PRPF8: variants seen among roughly 807,000 people sequenced by gnomAD.
The protein encoded by PRPF8 is pre-mRNA processing factor 8, also known as pre-mRNA-processing-splicing factor 8.
A neutral mutation model predicts 285.9 loss-of-function variants in PRPF8; 64 were observed. The observed-to-expected ratio is 0.22, with a 90% confidence interval of 0.18 to 0.28. The LOEUF is 0.28. Ranked by LOEUF, PRPF8 falls within the 10% of genes least tolerant of loss-of-function variation. PRPF8 has a pLI of 1.00. For synonymous variants in PRPF8, 1,325 were observed against 1,118.2 expected (o/e 1.18, Z -3.69); for missense variants, 1,426 against 3,026.7 (o/e 0.47, Z 12.41).
rs1374489130 is a variant in PRPF8 at position 1,675,286 on chromosome 17, T to C, written c.2926A>G (p.Met976Val). Residue 976 changes from methionine (M) to valine (V), a missense_variant, in exon 20 of 43, where the codon ATG (methionine) becomes GTG (valine). Around this residue, in one of 34 missense-constraint regions of PRPF8, gnomAD observed 37 missense variants for 43.4 expected, o/e 0.85. Coordinates refer to ENST00000304992, the MANE Select transcript of PRPF8 (RefSeq NM_006445.4). The surrounding 1 kb of genome is among the most constrained non-coding windows in gnomAD (Gnocchi z 6.0). ...ATCTTCTCAAAGCGGGATTCCAGCATGACATTGCACTCGCCTTCACTCGTC... is the reference window on the plus strand; with the variant it reads ...ATCTTCTCAAAGCGGGATTCCAGCACGACATTGCACTCGCCTTCACTCGTC... ...WETSEGECNV[M>V]LESRFEKMYE... 23 of 1,614,200 alleles carry C rather than the reference T, an allele frequency of 1.4e-5. No individual in the cohort carries two copies. Among genetic ancestry groups the C allele is most frequent in the Non-Finnish European group, 1.9e-5 (23 of 1,180,044 alleles).
Position 1,675,252 on chromosome 17 carries a change from T to G in PRPF8, c.2960A>C (p.Lys987Thr). The G allele has an allele frequency of 6.2e-7, 1 of 1,614,198 alleles. No homozygotes were observed. The highest frequency in any genetic ancestry group is 8.5e-7 in the Non-Finnish European group (1 of 1,180,034). The stretch of plus-strand genomic sequence containing the variant: ...CCTGTTGAGCAGAGTCAAGTCGATC[T>G]TCTCATACATCTTCTCAAAGCGGGA... ...LESRFEKMYE[K>T]IDLTLLNRLL... The change falls in exon 20 of 43, where the codon AAG becomes ACG. Residue 987 changes from lysine to threonine, a missense_variant. Transcript: ENST00000304992. The surrounding 1 kb of genome is among the most constrained non-coding windows in gnomAD (Gnocchi z 6.0).
Position 1,676,144 on chromosome 17 carries a change from TGAG to T in PRPF8, c.2552+60_2552+62del. ...GGCTACACCTTCTTTCTTTGGACTCTGAGGATGACGCCATTCCCTGCTGTCACC... is the reference window on the plus strand; with the variant it reads ...GGCTACACCTTCTTTCTTTGGACTCTGATGACGCCATTCCCTGCTGTCACC... On this transcript the variant is annotated intron_variant, in intron 17 of 42. Coordinates refer to ENST00000304992, the MANE Select transcript of PRPF8 (RefSeq NM_006445.4). The surrounding 1 kb of genome is among the most constrained non-coding windows in gnomAD (Gnocchi z 6.3). 1.2e-6 allele frequency: 2 copies of T among 1,612,040 alleles called. No homozygotes were observed. The highest frequency in any genetic ancestry group is 1.7e-6 in the Non-Finnish European group (2 of 1,179,752).
Position 1,672,835 on chromosome 17 carries a change from CTT to C in PRPF8, c.3774+244_3774+245del, listed in dbSNP as rs146909473. The C allele has an allele frequency of 3.1e-3, 1,813 of 591,454 alleles. 29 individuals carry two copies. The highest frequency in any genetic ancestry group is 0.03 in the African/African-American group (1,596 of 53,784). 36.6% of individuals were successfully genotyped at this position (591,454 alleles called of 1,614,324 possible). A position where few individuals can be genotyped will look rare whatever the true frequency, so the allele number is the denominator to read the frequency against. On this transcript the variant is annotated intron_variant, in intron 24 of 42. Transcript: ENST00000304992. Reference sequence around the variant, plus strand: ...CAAAATAATAAATCCAACTTTTACTCTTGCCTTAATTTAGAATCATCACAAGT... The same window carrying C: ...CAAAATAATAAATCCAACTTTTACTCGCCTTAATTTAGAATCATCACAAGT...
chr17:1,682,699 C>T (rs1913000866), intron 3 of PRPF8, among the ~76,000 whole-genome samples: 1 of 152,232 alleles, frequency 6.6e-6, no homozygotes, highest in East Asian at 1.9e-4. Context: ...TTACCCTCTG[C>T]TCGCTACTAT....
Position 1,653,228 on chromosome 17 carries a change from C to G in PRPF8, c.6369+314G>C. 2.0e-6 allele frequency: 1 copy of G among 494,750 alleles called. No homozygotes were observed. The allele number at this position is 494,750 out of a possible 1,614,324, so 30.6% of individuals were successfully genotyped here. On this transcript the variant is annotated intron_variant, in intron 39 of 42. Transcript: ENST00000304992. The surrounding 1 kb of genome is among the most constrained non-coding windows in gnomAD (Gnocchi z 4.9). ...GTGCTGGGATTATAGGCATTAGCCACTGTGCCCAGCCGAGTGTTGGGATTA... is the reference window on the plus strand; with the variant it reads ...GTGCTGGGATTATAGGCATTAGCCAGTGTGCCCAGCCGAGTGTTGGGATTA...
At chr17:1,662,520 T>G (rs1911721054) in intron 24 of PRPF8, among the ~76,000 whole-genome samples, 1 of 149,152 alleles carries the variant, frequency 6.7e-6, no homozygotes, top group African/African-American at 2.5e-5. Flanking sequence ...ACCTGGGAGG[T>G]GGAGGTTGCA....
chr17:1,656,602 G>A (rs1911402859), intron 35 of PRPF8, 37 bp from the exon 36 acceptor site: 2 of 1,614,024 alleles, frequency 1.2e-6, no homozygotes, highest in Non-Finnish European at 8.5e-7. Context: ...GAAACAGCCT[G>A]AAGGTCTCAA....
At position 1,675,009 on chromosome 17, in the gene PRPF8, G is replaced by A. The variant is rs552249243; in HGVS notation, c.3060+143C>T. On this transcript the variant is annotated intron_variant, in intron 20 of 42. Coordinates refer to ENST00000304992, the MANE Select transcript of PRPF8 (RefSeq NM_006445.4). The surrounding 1 kb of genome is among the most constrained non-coding windows in gnomAD (Gnocchi z 6.0). ...AGACTGGTCTCGAACTCCTGACCTC[G>A]TGATCTGCCCGCCTCAGCCTCCCAA... 21 of 966,296 alleles carry A rather than the reference G, an allele frequency of 2.2e-5. No individual in the cohort carries two copies. Among genetic ancestry groups the A allele is most frequent in the African/African-American group, 6.4e-5 (4 of 62,200 alleles). The allele number at this position is 966,296 out of a possible 1,614,324, so 59.9% of individuals were successfully genotyped here. A position where few individuals can be genotyped will look rare whatever the true frequency, so the allele number is the denominator to read the frequency against.
At chr17:1,668,097 G>A (rs927818915) in intron 24 of PRPF8, among the ~76,000 whole-genome samples, 3 of 152,242 alleles carry the variant, frequency 2.0e-5, no homozygotes, top group Non-Finnish European at 4.4e-5. Flanking sequence ...GGGAATTGAG[G>A]CCCAGCATGG....
chr17:1,669,240 G>A (rs1912171263), intron 24 of PRPF8, among the ~76,000 whole-genome samples: 1 of 152,142 alleles, frequency 6.6e-6, no homozygotes, highest in Non-Finnish European at 1.5e-5. Context: ...CCGAGTAGCT[G>A]AGATTACAGG....
chr17:1,681,443 C>T (rs779451750), intron 6 of PRPF8, 35 bp downstream of exon 6: 2 of 1,533,480 alleles, frequency 1.3e-6, no homozygotes, highest in East Asian at 2.2e-5. Flanking sequence ...TCATTCAACT[C>T]AAAATGTCTA....
In PRPF8 at chr17:1,678,509, A is replaced by T; in HGVS notation, c.1854+9T>A. Reference sequence around the variant, plus strand: ...AAAAAAAAGAAAGTCAGTAAAGTCAAGGTCTCACCGTGTTGAAACGATAAT... The same window carrying T: ...AAAAAAAAGAAAGTCAGTAAAGTCATGGTCTCACCGTGTTGAAACGATAAT... On this transcript the variant is annotated intron_variant, in intron 13 of 42. Coordinates refer to ENST00000304992, the MANE Select transcript of PRPF8 (RefSeq NM_006445.4). 1 of 1,614,188 alleles carries T rather than the reference A, an allele frequency of 6.2e-7. No homozygotes were observed. Among genetic ancestry groups the T allele is most frequent in the Non-Finnish European group, 8.5e-7 (1 of 1,180,022 alleles).
chr17:1,683,741 C>T, intron 2 of PRPF8, 40 bp from the exon 3 acceptor site: 1 of 1,610,968 alleles, frequency 6.2e-7, no homozygotes, highest in South Asian at 1.1e-5. Flanking sequence ...CACACCCTCC[C>T]CCTAATCCTC....
At position 1,673,834 on chromosome 17, in the gene PRPF8, G is replaced by C; in HGVS notation, c.3358C>G (p.Pro1120Ala). 1 of 1,613,938 alleles carries C rather than the reference G, an allele frequency of 6.2e-7. No homozygotes were observed. Among genetic ancestry groups the C allele is most frequent in the Non-Finnish European group, 8.5e-7 (1 of 1,180,006 alleles). ...IQRYLTEHPD[P>A]NNENIVGYNN... is the part of the protein sequence containing the mutation. ...TAGCCAACGATGTTTTCATTATTGG[G>C]GTCAGGGTGCTCTGTCAGGTAACGT... Residue 1120 changes from proline to alanine, a missense_variant, in exon 22 of 43, where the codon CCC (proline) becomes GCC (alanine). Pro to Ala is a conservative substitution (Grantham distance 27). This residue lies in a region of PRPF8 where 148 missense variants were observed against 196.2 expected (regional missense o/e 0.75). Coordinates refer to ENST00000304992, the MANE Select transcript of PRPF8 (RefSeq NM_006445.4). This position sits in a 1 kb window ranked among gnomAD's most constrained non-coding sequence, Gnocchi z 5.5.
Position 1,651,952 on chromosome 17 carries a change from G to T in PRPF8, c.6370-164C>A. 1.1e-6 allele frequency: 1 copy of T among 884,478 alleles called. No homozygotes were observed. The highest frequency in any genetic ancestry group is 1.8e-6 in the Non-Finnish European group (1 of 550,848). The allele number at this position is 884,478 out of a possible 1,614,324, so 54.8% of individuals were successfully genotyped here. On this transcript the variant is annotated intron_variant, in intron 39 of 42. Coordinates refer to ENST00000304992, the MANE Select transcript of PRPF8 (RefSeq NM_006445.4). The surrounding 1 kb of genome is among the most constrained non-coding windows in gnomAD (Gnocchi z 5.1). ...ATCAGCTGGGGTGCTTGTTCAAAAT[G>T]TTAGACATGGACCTCATCGCGGACT...
Position 1,677,180 on chromosome 17 carries a change from T to C in PRPF8, c.1985-8A>G, listed in dbSNP as rs757526364. 8.7e-6 allele frequency: 14 copies of C among 1,612,632 alleles called. No individual in the cohort carries two copies. The highest frequency in any genetic ancestry group is 2.2e-5 in the East Asian group (1 of 44,884). On this transcript the variant is annotated splice_region_variant and splice_polypyrimidine_tract_variant and intron_variant, in intron 14 of 42. Coordinates refer to ENST00000304992, the MANE Select transcript of PRPF8 (RefSeq NM_006445.4). ...CCCCCTTTGAGTGTCGACCTGGAAGTAGAGTGTCCCAAGGGGATTACAAGG... is the reference window on the plus strand; with the variant it reads ...CCCCCTTTGAGTGTCGACCTGGAAGCAGAGTGTCCCAAGGGGATTACAAGG...
In PRPF8 at chr17:1,675,098, T is replaced by C. The variant is rs1218929047; in HGVS notation, c.3060+54A>G. 3.7e-6 allele frequency: 6 copies of C among 1,605,220 alleles called. No homozygotes were observed. In the Admixed American group the frequency reaches 5.0e-5, roughly 13 times the overall value. On this transcript the variant is annotated intron_variant, in intron 20 of 42. Transcript: ENST00000304992. This position sits in a 1 kb window ranked among gnomAD's most constrained non-coding sequence, Gnocchi z 6.0. ...TCCTCCTCAGCAAATTCTGAGTCAG[T>C]GGGCCAGACAAGCACTCCACACACA...
chr17:1,659,691 T>C lies in PRPF8; in HGVS notation c.4947-143A>G. The C allele has an allele frequency of 1.5e-6, 2 of 1,359,996 alleles. No individual in the cohort carries two copies. Among genetic ancestry groups the C allele is most frequent in the Non-Finnish European group, 2.0e-6 (2 of 975,634 alleles). The allele number at this position is 1,359,996 out of a possible 1,614,324, so 84.2% of individuals were successfully genotyped here. ...AGCAGGACCCCAGAGAATCAGCAGATCTGACTAAGGGTGTTGACAGGCTCC... is the reference window on the plus strand; with the variant it reads ...AGCAGGACCCCAGAGAATCAGCAGACCTGACTAAGGGTGTTGACAGGCTCC... On this transcript the variant is annotated intron_variant, in intron 31 of 42. Transcript: ENST00000304992. This position sits in a 1 kb window ranked among gnomAD's most constrained non-coding sequence, Gnocchi z 5.1.
chr17:1,682,750 A>G (rs759407008), intron 3 of PRPF8, among the ~76,000 whole-genome samples: 2 of 152,206 alleles, frequency 1.3e-5, no homozygotes, highest in Non-Finnish European at 2.9e-5. Flanking sequence ...ATTTTTTGAA[A>G]TAAACAAAAC....
Sources: allele counts gnomAD v4.1 joint callset (sites outside exome capture counted in the v4.1 genomes callset), GRCh38; gene constraint gnomAD v4.1.1; regional missense constraint gnomAD v4.1.1; non-coding constraint Gnocchi (gnomAD v3.1); transcripts MANE v1.5; gene names NCBI Gene and HGNC (gene_info 2026-07-23, HGNC 2026-07-21).